Variants in STXBP5 observed in about 807,000 individuals in gnomAD.
STXBP5 encodes the protein syntaxin-binding protein 5.
In STXBP5, 50 loss-of-function variants were observed where a neutral mutation model predicts 152.4. The observed-to-expected ratio is 0.33, with a 90% CI of 0.26 to 0.42. The LOEUF is 0.42. Ranked by LOEUF, STXBP5 falls within the 10% of genes least tolerant of loss-of-function variation. The pLI is 1.00. For missense variants in STXBP5, 1,167 were observed against 1,388.6 expected, an observed-to-expected ratio of 0.84 and a Z score of 2.54; for synonymous variants, 492 against 494.7, an observed-to-expected ratio of 0.99 and a Z score of 0.07.
chr6:147,215,674 G>A (rs1777129463), intron 2 of STXBP5, among the ~76,000 whole-genome samples: 1 of 152,096 alleles, frequency 6.6e-6, no homozygotes, highest in African/African-American at 2.4e-5. Flanking sequence ...GAGCCACTGC[G>A]CCGAGCCAAT....
At chr6:147,362,449 A>C (rs1206921549) in intron 23 of STXBP5, among the ~76,000 whole-genome samples, 1 of 152,232 alleles carries the variant, frequency 6.6e-6, no homozygotes, top group East Asian at 1.9e-4. Context: ...TTTGTACATT[A>C]TCAAGGATAT....
intron 2 of STXBP5, among the ~76,000 whole-genome samples, chr6:147,219,020 T>G (rs763558873): frequency 2.6e-5 from 4 of 152,280 alleles, no homozygotes; most frequent in Middle Eastern, 3.4e-3. Flanking sequence ...ATCCTTGCCT[T>G]GTTTCTGATT....
In STXBP5 at chr6:147,220,191, T is replaced by C. The variant is rs550895962; in HGVS notation, c.248+14123T>C. Among the ~76,000 whole-genome samples the C allele has an allele frequency of 1.1e-4, 16 of 152,242 alleles. No individual in the cohort carries two copies. In the South Asian group the frequency reaches 3.3e-3, roughly 31 times the overall value. On this transcript the variant is annotated intron_variant, in intron 2 of 27. Coordinates refer to ENST00000321680, the MANE Select transcript of STXBP5 (RefSeq NM_001127715.4). ...CATATTTTGGGATTTTCCAGCTCTC[T>C]TTTTGTTATCGATTTCTAGTTTACT... is the stretch of plus-strand genomic sequence containing the variant.
At chr6:147,308,923 T>TA (rs1184188317) in intron 9 of STXBP5, among the ~76,000 whole-genome samples, 1 of 152,178 alleles carries the variant, frequency 6.6e-6, no homozygotes, top group East Asian at 1.9e-4. Flanking sequence ...AGGTGACTCT[T>TA]ACTAAGGATG....
At chr6:147,340,993 A>C (rs1297883507) in intron 21 of STXBP5, among the ~76,000 whole-genome samples, 2 of 152,126 alleles carry the variant, frequency 1.3e-5, no homozygotes, top group Non-Finnish European at 2.9e-5. Flanking sequence ...GCTTTTCAAA[A>C]TTTTGGTAGT....
At chr6:147,236,605 G>A (rs1396443775) in intron 3 of STXBP5, among the ~76,000 whole-genome samples, 1 of 152,042 alleles carries the variant, frequency 6.6e-6, no homozygotes, top group African/African-American at 2.4e-5. Context: ...GTGTGTGCAT[G>A]TAGTTCAGTT....
chr6:147,299,901 T>C (rs533344996), intron 9 of STXBP5, among the ~76,000 whole-genome samples: 3 of 152,208 alleles, frequency 2.0e-5, no homozygotes, highest in East Asian at 3.9e-4. Context: ...AATGACGTTT[T>C]ATTTATATAG....
intron 18 of STXBP5, among the ~76,000 whole-genome samples, chr6:147,329,069 G>A (rs1257404276): frequency 6.6e-6 from 1 of 151,802 alleles, no homozygotes; most frequent in East Asian, 1.9e-4. Flanking sequence ...TTTTACAAAT[G>A]TGGTAAAAAT....
chr6:147,383,140 C>T, intron 27 of STXBP5, 142 bp downstream of exon 27: 1 of 948,678 alleles, frequency 1.1e-6, no homozygotes, highest in Non-Finnish European at 1.6e-6. Context: ...TGATTTTTGC[C>T]ACCAGAGGGA....
At chr6:147,366,793 T>C (rs991341503) in intron 25 of STXBP5, among the ~76,000 whole-genome samples, 8 of 152,204 alleles carry the variant, frequency 5.3e-5, no homozygotes, top group African/African-American at 1.9e-4. Context: ...TGGTCCGTTA[T>C]CAGCCACTAC....
intron 21 of STXBP5, among the ~76,000 whole-genome samples, chr6:147,347,474 A>G (rs560591836): frequency 1.3e-5 from 2 of 152,354 alleles, no homozygotes; most frequent in South Asian, 4.1e-4. Flanking sequence ...ACTGATGTTG[A>G]TCTTTAAATC....
At chr6:147,278,464 C>T (rs1780549358) in intron 8 of STXBP5, among the ~76,000 whole-genome samples, 1 of 152,088 alleles carries the variant, frequency 6.6e-6, no homozygotes, top group African/African-American at 2.4e-5. Context: ...AATATCATGT[C>T]TCTAATAGTC....
chr6:147,270,440 G>A (rs1457370661), intron 7 of STXBP5, among the ~76,000 whole-genome samples: 1 of 148,976 alleles, frequency 6.7e-6, no homozygotes, highest in African/African-American at 2.5e-5. Context: ...TGTTTTCTTA[G>A]ATGCAATGTA....
Position 147,384,939 on chromosome 6 carries a change from G to A in STXBP5, c.*184G>A, listed in dbSNP as rs984353931. ...AACTGAGGAGTGTTCACACGCACTC[G>A]AAATGGAGTATATGGTGTGTGCCAG... On this transcript the variant is annotated 3_prime_UTR_variant, in exon 28 of 28. Coordinates refer to ENST00000321680, the MANE Select transcript of STXBP5 (RefSeq NM_001127715.4). 36 of 625,866 alleles carry A rather than the reference G, an allele frequency of 5.8e-5. No homozygotes were observed. The Admixed American group carries it at 9.4e-4, about 16-fold the overall frequency. The allele number at this position is 625,866 out of a possible 1,614,324, so 38.8% of individuals were successfully genotyped here.
chr6:147,219,993 C>T (rs1242686524), intron 2 of STXBP5, among the ~76,000 whole-genome samples: 14 of 151,486 alleles, frequency 9.2e-5, no homozygotes, highest in Admixed American at 7.9e-4. Flanking sequence ...CCTGTTTCTT[C>T]TTTAATATAT....
At chr6:147,219,634 G>T (rs554468207) in intron 2 of STXBP5, among the ~76,000 whole-genome samples, 5 of 151,918 alleles carry the variant, frequency 3.3e-5, no homozygotes, top group African/African-American at 1.2e-4. Flanking sequence ...TTAAGGAGTT[G>T]GTCGGTCCAT....
intron 25 of STXBP5, among the ~76,000 whole-genome samples, chr6:147,370,632 A>C (rs1295850270): frequency 6.6e-6 from 1 of 152,038 alleles, no homozygotes; most frequent in Non-Finnish European, 1.5e-5. Flanking sequence ...ATTTGCTATA[A>C]TCGTAGAGGT....
intron 26 of STXBP5, among the ~76,000 whole-genome samples, chr6:147,378,067 C>T (rs1248396673): frequency 6.6e-6 from 1 of 152,068 alleles, no homozygotes; most frequent in Non-Finnish European, 1.5e-5. Context: ...AACTATCAGA[C>T]ATTGAAGCCA....
intron 9 of STXBP5, among the ~76,000 whole-genome samples, chr6:147,309,410 T>C (rs2128369100): frequency 6.6e-6 from 1 of 152,204 alleles, no homozygotes; most frequent in African/African-American, 2.4e-5. Flanking sequence ...AAAATAAGCA[T>C]ATATTAATAG....
Sources: allele counts gnomAD v4.1 joint callset (sites outside exome capture counted in the v4.1 genomes callset), GRCh38; gene constraint gnomAD v4.1.1; transcripts MANE v1.5; gene names NCBI Gene and HGNC (gene_info 2026-07-23, HGNC 2026-07-21).